HCN1: variants seen among roughly 807,000 people sequenced by gnomAD.
The protein encoded by HCN1 is hyperpolarization activated cyclic nucleotide gated potassium channel 1.
Under a neutral mutation model 78.9 loss-of-function variants are expected in HCN1, and 13 were observed. The ratio of observed to expected loss-of-function variants is 0.16; its 90% CI spans 0.11 to 0.26. The LOEUF is 0.26. HCN1 is among the 10% of genes least tolerant of loss of function. HCN1 has a pLI of 1.00. For missense variants in HCN1, 810 were observed against 1,154.3 expected, an observed-to-expected ratio of 0.70 and a Z score of 4.32; for synonymous variants, 552 against 455.5, an observed-to-expected ratio of 1.21 and a Z score of -2.70.
intron 2 of HCN1, among the ~76,000 whole-genome samples, chr5:45,564,054 G>C (rs1312776540): frequency 6.6e-6 from 1 of 152,066 alleles, no homozygotes; most frequent in Admixed American, 6.6e-5. Flanking sequence ...TACATCCTCA[G>C]ACCCAATCAT....
At chr5:45,318,061 T>C (rs1349792607) in intron 5 of HCN1, among the ~76,000 whole-genome samples, 3 of 152,048 alleles carry the variant, frequency 2.0e-5, no homozygotes, top group Admixed American at 1.3e-4. Flanking sequence ...CATCCCATTA[T>C]TGGGTATATA....
intron 1 of HCN1, among the ~76,000 whole-genome samples, chr5:45,682,552 A>C (rs886110494): frequency 1.3e-5 from 2 of 151,850 alleles, no homozygotes; most frequent in Non-Finnish European, 2.9e-5. Flanking sequence ...TTATTTTTTC[A>C]AATTTATTAA....
At chr5:45,547,472 A>G (rs1017599075) in intron 2 of HCN1, among the ~76,000 whole-genome samples, 11 of 151,936 alleles carry the variant, frequency 7.2e-5, no homozygotes, top group African/African-American at 2.7e-4. Context: ...ACTAGCGGAG[A>G]GAGTCTGCAA....
chr5:45,268,536 A>C (rs1380966065), intron 6 of HCN1, among the ~76,000 whole-genome samples: 2 of 152,232 alleles, frequency 1.3e-5, no homozygotes, highest in Non-Finnish European at 2.9e-5. Context: ...CACTGTGAAT[A>C]AATCACGCTG....
chr5:45,605,751 A>G (rs1439167934), intron 2 of HCN1, among the ~76,000 whole-genome samples: 1 of 151,954 alleles, frequency 6.6e-6, no homozygotes, highest in African/African-American at 2.4e-5. Flanking sequence ...CTCTTAGCAT[A>G]ATTATATTTA....
At chr5:45,431,043 A>G (rs1740452054) in intron 3 of HCN1, among the ~76,000 whole-genome samples, 2 of 152,140 alleles carry the variant, frequency 1.3e-5, no homozygotes, top group Non-Finnish European at 2.9e-5. Flanking sequence ...CAATGGTTGA[A>G]CTAAACTCCC....
chr5:45,283,091 G>A (rs766071671), intron 6 of HCN1, among the ~76,000 whole-genome samples: 2 of 152,118 alleles, frequency 1.3e-5, no homozygotes, highest in Non-Finnish European at 2.9e-5. Context: ...ACATTGCCAT[G>A]GATGAAGATG....
At chr5:45,316,336 A>G (rs1745991465) in intron 5 of HCN1, among the ~76,000 whole-genome samples, 1 of 152,220 alleles carries the variant, frequency 6.6e-6, no homozygotes, top group African/African-American at 2.4e-5. Context: ...CAATAGATGC[A>G]GAAAAGGCCT....
At chr5:45,273,177 C>T (rs528653756) in intron 6 of HCN1, among the ~76,000 whole-genome samples, 6 of 151,832 alleles carry the variant, frequency 4.0e-5, no homozygotes, top group East Asian at 3.9e-4. Flanking sequence ...CTTTATAGGG[C>T]GTTTATGAAT....
In HCN1 at chr5:45,472,591, G is replaced by A. The variant is rs1193353259; in HGVS notation, c.850-10584C>T. On this transcript the variant is annotated intron_variant, in intron 2 of 7. Transcript: ENST00000303230. Reference sequence around the variant, plus strand: ...AGGAAAGAAGGAAGGAAGGAAGGAAGGAAGGAGGAAAGAAAGAAAAGAAGG... The same window carrying A: ...AGGAAAGAAGGAAGGAAGGAAGGAAAGAAGGAGGAAAGAAAGAAAAGAAGG... Among the ~76,000 whole-genome samples, 5 of 120,762 alleles carry A rather than the reference G, an allele frequency of 4.1e-5. No homozygotes were observed. In the Admixed American group the frequency reaches 4.9e-4, roughly 12 times the overall value. 79.2% of individuals were successfully genotyped at this position (120,762 alleles called of 152,430 possible).
intron 4 of HCN1, among the ~76,000 whole-genome samples, chr5:45,372,257 ATTTATATATATAT>A (rs1561128223): frequency 3.1e-4 from 25 of 81,474 alleles, no homozygotes; most frequent in Admixed American, 1.2e-3. Flanking sequence ...TATAATATAT[ATTTATATATATAT>A]TTATATATAT....
chr5:45,444,673 C>A (rs980213391), intron 3 of HCN1, among the ~76,000 whole-genome samples: 1 of 151,982 alleles, frequency 6.6e-6, no homozygotes, highest in African/African-American at 2.4e-5. Context: ...ACAAGATATT[C>A]TTAAATATGA....
chr5:45,430,006 A>G (rs1430111043), intron 3 of HCN1, among the ~76,000 whole-genome samples: 1 of 152,188 alleles, frequency 6.6e-6, no homozygotes, highest in Non-Finnish European at 1.5e-5. Flanking sequence ...AGTAATATAA[A>G]TAAGAATTGA....
Position 45,476,043 on chromosome 5 carries a change from G to C in HCN1, c.850-14036C>G, listed in dbSNP as rs563179361. Among the ~76,000 whole-genome samples, 26 of 152,202 alleles carry C rather than the reference G, an allele frequency of 1.7e-4. No individual in the cohort carries two copies. The South Asian group carries it at 4.8e-3, about 28-fold the overall frequency. Reference sequence around the variant, plus strand: ...TTACAAAGCATATTTTAAAATCATAGGTGAGAGTAGCTATAGGACAATATT... The same window carrying C: ...TTACAAAGCATATTTTAAAATCATACGTGAGAGTAGCTATAGGACAATATT... On this transcript the variant is annotated intron_variant, in intron 2 of 7. Transcript: ENST00000303230.
chr5:45,492,235 G>C (rs941668354), intron 2 of HCN1, among the ~76,000 whole-genome samples: 1 of 151,220 alleles, frequency 6.6e-6, no homozygotes, highest in African/African-American at 2.4e-5. Context: ...AGATGCACTA[G>C]AGGCAGGGAG....
chr5:45,456,685 G>C (rs1579907059), intron 3 of HCN1, among the ~76,000 whole-genome samples: 1 of 151,938 alleles, frequency 6.6e-6, no homozygotes, highest in African/African-American at 2.4e-5. Context: ...GATGAGTAAT[G>C]CTGTTTTGCT....
chr5:45,611,426 C>T (rs1744834671), intron 2 of HCN1, among the ~76,000 whole-genome samples: 2 of 151,614 alleles, frequency 1.3e-5, no homozygotes, highest in Non-Finnish European at 2.9e-5. Flanking sequence ...CGCCCACCAC[C>T]ATGTTTGGCT....
At chr5:45,468,530 A>G (rs565871300) in intron 2 of HCN1, among the ~76,000 whole-genome samples, 2 of 152,156 alleles carry the variant, frequency 1.3e-5, no homozygotes, top group South Asian at 4.1e-4. Flanking sequence ...CAGAATTTCT[A>G]TATATGTTTC....
chr5:45,432,144 T>A (rs564005989), intron 3 of HCN1, among the ~76,000 whole-genome samples: 1 of 152,270 alleles, frequency 6.6e-6, no homozygotes, highest in East Asian at 1.9e-4. Flanking sequence ...TTGCAATTTT[T>A]CACCTCCCTA....
Sources: allele counts gnomAD v4.1 joint callset (sites outside exome capture counted in the v4.1 genomes callset), GRCh38; gene constraint gnomAD v4.1.1; transcripts MANE v1.5; gene names NCBI Gene and HGNC (gene_info 2026-07-23, HGNC 2026-07-21).